Variants in RHBDD1 observed in about 807,000 individuals in gnomAD.
RHBDD1 encodes the protein rhomboid-related protein 4.
A neutral mutation model predicts 36.3 loss-of-function variants in RHBDD1; 38 were observed. The observed-to-expected ratio is 1.05, with a 90% confidence interval of 0.81 to 1.37. The LOEUF is 1.37. RHBDD1 is among the 40% of genes most tolerant of loss of function. The pLI is 0.00. For synonymous variants in RHBDD1, 151 were observed against 136.5 expected, an observed-to-expected ratio of 1.11 and a Z score of -0.74; for missense variants, 393 against 377.6, an observed-to-expected ratio of 1.04 and a Z score of -0.34.
chr2:226,863,128 A>G (rs527768972), intron 3 of RHBDD1, among the ~76,000 whole-genome samples: 58 of 152,288 alleles, frequency 3.8e-4, no homozygotes, highest in African/African-American at 1.3e-3. Flanking sequence ...CAGACGGATC[A>G]CCTGAGGTCA....
intron 8 of RHBDD1, among the ~76,000 whole-genome samples, chr2:226,947,823 T>C (rs199804521): frequency 6.6e-6 from 1 of 152,092 alleles, no homozygotes; most frequent in African/African-American, 2.4e-5. Context: ...AAAATGCTCA[T>C]CATCACTGGC....
intron 5 of RHBDD1, among the ~76,000 whole-genome samples, chr2:226,887,674 C>T (rs1432568618): frequency 6.6e-6 from 1 of 152,202 alleles, no homozygotes; most frequent in East Asian, 1.9e-4. Flanking sequence ...GTTGAAAATG[C>T]TCTTGTCAAA....
intron 8 of RHBDD1, among the ~76,000 whole-genome samples, chr2:226,940,475 C>T (rs1433344643): frequency 1.3e-5 from 2 of 151,984 alleles, no homozygotes; most frequent in Non-Finnish European, 2.9e-5. Context: ...GTATAACTGC[C>T]ATTTAAGTCT....
chr2:226,836,238 G>A (rs1940940037), intron 1 of RHBDD1, 151 bp downstream of exon 1: 1 of 152,672 alleles, frequency 6.5e-6, no homozygotes, highest in South Asian at 2.1e-4. Flanking sequence ...GGGAGGCATG[G>A]CGGGGCTGGA....
At chr2:226,846,525 C>T (rs1415155959) in intron 3 of RHBDD1, among the ~76,000 whole-genome samples, 1 of 152,100 alleles carries the variant, frequency 6.6e-6, no homozygotes, top group Admixed American at 6.6e-5. Flanking sequence ...AGGTGGATCA[C>T]CTCAGGTCAG....
chr2:226,945,897 A>G (rs1950961597), intron 8 of RHBDD1, among the ~76,000 whole-genome samples: 1 of 152,066 alleles, frequency 6.6e-6, no homozygotes, highest in Non-Finnish European at 1.5e-5. Context: ...GTATTTCTCT[A>G]ATGACCGGTG....
At chr2:226,816,385 A>G in the RHBDD1 span, among the ~76,000 whole-genome samples, 12 of 151,472 alleles carry the variant, frequency 7.9e-5, no homozygotes, top group African/African-American at 2.4e-4. Flanking sequence ...CAAAAAAAAA[A>G]AAAAAAAAAA....
At position 226,997,501 on chromosome 2, in the gene RHBDD1, CA is replaced by C. The variant is rs1194118160; in HGVS notation, c.*1980del. On this transcript the variant is annotated 3_prime_UTR_variant, in exon 9 of 9. Coordinates refer to ENST00000392062, the MANE Select transcript of RHBDD1 (RefSeq NM_001167608.3). ...CCTGAGTCTTAGTTATCTTTCCACT[CA>C]CTCCCCGTCTCCCCTTTCCAACCCC... The C allele has an allele frequency of 6.6e-6, 1 of 152,256 alleles. No homozygotes were observed. Among genetic ancestry groups the C allele is most frequent in the East Asian group, 1.9e-4 (1 of 5,198 alleles). The allele number at this position is 152,256 out of a possible 1,614,324, so 9.4% of individuals were successfully genotyped here.
At position 226,861,662 on chromosome 2, in the gene RHBDD1, G is replaced by GT. The variant is rs569613038; in HGVS notation, c.-90-2937dup. Among the ~76,000 whole-genome samples the GT allele has an allele frequency of 5.9e-5, 9 of 152,290 alleles. No individual in the cohort carries two copies. The South Asian group carries it at 1.9e-3, about 32-fold the overall frequency. On this transcript the variant is annotated intron_variant, in intron 3 of 8. Transcript: ENST00000392062. ...ATTTACTGATCAATGATCAAGGCCA[G>GT]TTTTTCCATTGTTCCTGTTAAAGGT...
At chr2:226,899,167 C>G (rs73085834) in intron 5 of RHBDD1, among the ~76,000 whole-genome samples, 2,409 of 152,246 alleles carry the variant, frequency 0.016, 60 homozygotes, top group African/African-American at 0.055. Context: ...CTTAACTCAG[C>G]GTTACAATAG....
chr2:226,879,715 A>T (rs1414853706), intron 5 of RHBDD1, among the ~76,000 whole-genome samples: 1 of 152,234 alleles, frequency 6.6e-6, no homozygotes. Flanking sequence ...AAACCAATGG[A>T]TATAGGGTCA....
chr2:226,882,365 G>C (rs1196208955), intron 5 of RHBDD1, among the ~76,000 whole-genome samples: 1 of 148,538 alleles, frequency 6.7e-6, no homozygotes, highest in Non-Finnish European at 1.5e-5. Flanking sequence ...GGTAGGTGGA[G>C]GTTGTAGTGA....
the RHBDD1 span, among the ~76,000 whole-genome samples, chr2:226,830,347 C>CTTTG: frequency 5.9e-5 from 9 of 152,328 alleles, no homozygotes; most frequent in African/African-American, 2.2e-4. Flanking sequence ...GCCCATGATG[C>CTTTG]TTTGTCAACT....
intron 5 of RHBDD1, among the ~76,000 whole-genome samples, chr2:226,899,942 G>C (rs917532391): frequency 6.6e-6 from 1 of 152,180 alleles, no homozygotes; most frequent in Non-Finnish European, 1.5e-5. Context: ...GGCTTCCTCT[G>C]TGCCGCCATG....
rs372485152 is a variant in RHBDD1 at position 226,995,454 on chromosome 2, C to T, written c.880C>T (p.Pro294Ser). 3 of 1,612,636 alleles carry T rather than the reference C, an allele frequency of 1.9e-6. No homozygotes were observed. In the African/African-American group the frequency reaches 4.0e-5, roughly 22 times the overall value. ...DRGNTRNSPP[P>S]YGFHLSPEEM... ...AGGAAATACCAGAAATAGCCCACCACCCTACGGGTTTCATCTCTCACCAGA... is the reference window on the plus strand; with the variant it reads ...AGGAAATACCAGAAATAGCCCACCATCCTACGGGTTTCATCTCTCACCAGA... The change falls in exon 9 of 9, where the codon CCC (proline) becomes TCC (serine). Residue 294 changes from proline (P) to serine (S), a missense_variant. Physicochemically the swap from Pro to Ser is moderately conservative, Grantham distance 74 (BLOSUM62 -1). Coordinates refer to ENST00000392062, the MANE Select transcript of RHBDD1 (RefSeq NM_001167608.3).
chr2:226,887,575 G>C (rs1342373750), intron 5 of RHBDD1, among the ~76,000 whole-genome samples: 1 of 152,230 alleles, frequency 6.6e-6, no homozygotes, highest in Non-Finnish European at 1.5e-5. Flanking sequence ...TGTGAAGTGT[G>C]ATGCACCAGT....
At chr2:226,846,880 T>C (rs1172918278) in intron 3 of RHBDD1, among the ~76,000 whole-genome samples, 2 of 152,006 alleles carry the variant, frequency 1.3e-5, no homozygotes, top group Non-Finnish European at 2.9e-5. Context: ...TGTAAGTAAA[T>C]GTGGCATTTT....
intron 5 of RHBDD1, among the ~76,000 whole-genome samples, chr2:226,875,763 A>G (rs1160013450): frequency 6.6e-6 from 1 of 152,196 alleles, no homozygotes; most frequent in Non-Finnish European, 1.5e-5. Context: ...ATCACAATCT[A>G]TCCATAAATG....
At chr2:226,887,155 C>A (rs982061379) in intron 5 of RHBDD1, among the ~76,000 whole-genome samples, 1 of 152,156 alleles carries the variant, frequency 6.6e-6, no homozygotes, top group Non-Finnish European at 1.5e-5. Flanking sequence ...TGTTCTAAGA[C>A]TGTTTTAAAA....
Sources: allele counts gnomAD v4.1 joint callset (sites outside exome capture counted in the v4.1 genomes callset), GRCh38; gene constraint gnomAD v4.1.1; transcripts MANE v1.5; gene names NCBI Gene and HGNC (gene_info 2026-07-23, HGNC 2026-07-21).